Variants in OSBPL10 observed in about 807,000 individuals in gnomAD.
OSBPL10 encodes the protein oxysterol-binding protein-related protein 10.
In OSBPL10, 49 loss-of-function variants were observed where a neutral mutation model predicts 81.7. The ratio of observed to expected loss-of-function variants is 0.60; its 90% CI spans 0.48 to 0.76. The LOEUF (loss-of-function observed/expected upper bound fraction) is 0.76, where lower values mean the gene tolerates loss of function less well. Ranked by LOEUF, OSBPL10 falls within the 30% of genes least tolerant of loss-of-function variation. OSBPL10 has a pLI of 0.00. For missense variants in OSBPL10, 923 were observed against 987.8 expected, an observed-to-expected ratio of 0.93 and a Z score of 0.88; for synonymous variants, 419 against 383.6, an observed-to-expected ratio of 1.09 and a Z score of -1.08.
At position 32,058,006 on chromosome 3, in the gene OSBPL10, G is replaced by A. The variant is rs141902165; in HGVS notation, n.186-11403C>T. Among the ~76,000 whole-genome samples the A allele has an allele frequency of 5.6e-3, 846 of 152,218 alleles. 4 individuals are homozygous for A. Among genetic ancestry groups the A allele is most frequent in the Non-Finnish European group, 8.1e-3 (548 of 68,000 alleles). On this transcript the variant is annotated intron_variant and non_coding_transcript_variant, in intron 1 of 3. Coordinates refer to the OSBPL10 transcript ENST00000479173. Reference sequence around the variant, plus strand: ...GGTATGACAATAAGAATAATTCAAAGAATTAATAATTCATGGCACTATCAG... The same window carrying A: ...GGTATGACAATAAGAATAATTCAAAAAATTAATAATTCATGGCACTATCAG...
chr3:31,674,022 G>A (rs1700392083), intron 8 of OSBPL10, among the ~76,000 whole-genome samples: 2 of 152,130 alleles, frequency 1.3e-5, no homozygotes, highest in Non-Finnish European at 2.9e-5. Flanking sequence ...TTGGGCTCAA[G>A]TGATCCTCCT....
intron 1 of OSBPL10, among the ~76,000 whole-genome samples, chr3:31,964,916 C>T (rs1290230582): frequency 6.6e-6 from 1 of 152,054 alleles, no homozygotes; most frequent in Admixed American, 6.6e-5. Context: ...ACCACAGCTC[C>T]AAAATTATCA....
chr3:32,010,899 C>T (rs906272729), intron 2 of OSBPL10, among the ~76,000 whole-genome samples: 8 of 152,168 alleles, frequency 5.3e-5, no homozygotes, highest in South Asian at 2.1e-4. Context: ...GGAGGAGGGG[C>T]GCCCCCCATT....
chr3:31,719,584 ACAGG>A (rs1282327144), intron 6 of OSBPL10, among the ~76,000 whole-genome samples: 2 of 152,226 alleles, frequency 1.3e-5, no homozygotes, highest in Non-Finnish European at 2.9e-5. Flanking sequence ...ATGGTGACAG[ACAGG>A]ATAATAGCAA....
At chr3:31,724,215 G>C (rs1473115811) in intron 6 of OSBPL10, among the ~76,000 whole-genome samples, 1 of 152,166 alleles carries the variant, frequency 6.6e-6, no homozygotes, top group Admixed American at 6.5e-5. Flanking sequence ...TCATTCACCA[G>C]TTTCAAAGCG....
chr3:32,013,640 T>A (rs1487546737), intron 2 of OSBPL10, among the ~76,000 whole-genome samples: 1 of 152,062 alleles, frequency 6.6e-6, no homozygotes, highest in Admixed American at 6.6e-5. Context: ...CCTTCAAAAA[T>A]TCAATGAATC....
intron 6 of OSBPL10, among the ~76,000 whole-genome samples, chr3:31,728,414 A>G (rs976135764): frequency 6.6e-6 from 1 of 152,238 alleles, no homozygotes; most frequent in African/African-American, 2.4e-5. Context: ...GGTATCTGGC[A>G]CCAGATATTT....
intron 2 of OSBPL10, among the ~76,000 whole-genome samples, chr3:32,006,455 T>C (rs1166934135): frequency 6.6e-6 from 1 of 152,260 alleles, no homozygotes; most frequent in Non-Finnish European, 1.5e-5. Flanking sequence ...CGTGGTCTAA[T>C]ATAATCCATT....
chr3:31,821,714 C>A (rs1699985613), intron 4 of OSBPL10, among the ~76,000 whole-genome samples: 1 of 152,114 alleles, frequency 6.6e-6, no homozygotes, highest in Admixed American at 6.5e-5. Context: ...AATTAAGGAC[C>A]TTTTAAAAAC....
At chr3:31,867,469 C>T (rs966461585) in intron 3 of OSBPL10, among the ~76,000 whole-genome samples, 2 of 152,118 alleles carry the variant, frequency 1.3e-5, no homozygotes, top group African/African-American at 4.8e-5. Flanking sequence ...AGGCGGGACA[C>T]GGTGGCTCTC....
chr3:31,863,793 T>TA lies in OSBPL10; in HGVS notation c.537+12639dup, dbSNP rs570346721. Among the ~76,000 whole-genome samples, 54 of 151,568 alleles carry TA rather than the reference T, an allele frequency of 3.6e-4. 1 individual carries two copies. The South Asian group carries it at 4.0e-3, about 11-fold the overall frequency. The stretch of plus-strand genomic sequence containing the variant: ...CTACTGGTTAATAGTTCTCTCTCTA[T>TA]AAAAAAAAATTGTTATACTTGATCA... On this transcript the variant is annotated intron_variant, in intron 3 of 11. Coordinates refer to ENST00000396556, the MANE Select transcript of OSBPL10 (RefSeq NM_017784.5).
chr3:31,980,259 C>T (rs1014928872), intron 1 of OSBPL10, among the ~76,000 whole-genome samples: 7 of 152,156 alleles, frequency 4.6e-5, no homozygotes, highest in South Asian at 2.1e-4. Flanking sequence ...GCCTCGGCCT[C>T]CCAAAGTACT....
Position 31,809,869 on chromosome 3 carries a change from C to CTTTTTTTTTTTTTTTTTTTTTTTTT in OSBPL10, c.729+20170_729+20171insAAAAAAAAAAAAAAAAAAAAAAAAA, listed in dbSNP as rs34795137. Among the ~76,000 whole-genome samples, 28 of 98,616 alleles carry CTTTTTTTTTTTTTTTTTTTTTTTTT rather than the reference C, an allele frequency of 2.8e-4. 7 individuals carry two copies. The highest frequency in any genetic ancestry group is 1.4e-3 in the African/African-American group (26 of 18,422). The allele number at this position is 98,616 out of a possible 152,430, so 64.7% of individuals were successfully genotyped here. ...AAATGTCAATGGGTGCCCCCTGACT[C>CTTTTTTTTTTTTTTTTTTTTTTTTT]TTTTTTTTTTTTTTTTTTTGAGATG... On this transcript the variant is annotated intron_variant, in intron 4 of 11. Coordinates refer to ENST00000396556, the MANE Select transcript of OSBPL10 (RefSeq NM_017784.5).
chr3:31,683,373 G>A (rs943899991), intron 8 of OSBPL10, among the ~76,000 whole-genome samples: 4 of 152,184 alleles, frequency 2.6e-5, no homozygotes, highest in African/African-American at 9.7e-5. Context: ...GCACGCGCGT[G>A]CACAGCATGG....
At chr3:32,002,785 C>CAAGAAGGGGGTTGTTGTGA (rs1327746623) in intron 2 of OSBPL10, among the ~76,000 whole-genome samples, 1 of 152,072 alleles carries the variant, frequency 6.6e-6, no homozygotes. Context: ...TACAGTGTGC[C>CAAGAAGGGGGTTGTTGTGA]CCTTGGGAGA....
chr3:31,855,334 T>C (rs1179785677), intron 3 of OSBPL10, among the ~76,000 whole-genome samples: 1 of 152,208 alleles, frequency 6.6e-6, no homozygotes, highest in African/African-American at 2.4e-5. Flanking sequence ...GTCATGTATC[T>C]TTAGCCTCAT....
intron 1 of OSBPL10, among the ~76,000 whole-genome samples, chr3:31,907,471 A>T (rs1168127084): frequency 2.0e-5 from 3 of 151,788 alleles, no homozygotes; most frequent in Non-Finnish European, 4.4e-5. Flanking sequence ...CACTAAAAAT[A>T]CAAAAAGTAG....
intron 4 of OSBPL10, among the ~76,000 whole-genome samples, chr3:31,824,066 C>T (rs1445699484): frequency 6.6e-6 from 1 of 152,092 alleles, no homozygotes; most frequent in African/African-American, 2.4e-5. Context: ...ACAATGATTG[C>T]CCAGGCTTGT....
At chr3:31,692,838 C>A (rs2125570705) in intron 7 of OSBPL10, among the ~76,000 whole-genome samples, 1 of 152,332 alleles carries the variant, frequency 6.6e-6, no homozygotes, top group South Asian at 2.1e-4. Context: ...TCTGCTTGGC[C>A]AAGGCCCATG....
Sources: gnomAD v4.1 joint callset for allele counts (sites outside exome capture counted in the v4.1 genomes callset) on GRCh38, gnomAD v4.1.1 for gene constraint, MANE v1.5 for transcripts, NCBI Gene and HGNC (gene_info 2026-07-23, HGNC 2026-07-21) for gene names.